GIGYF2: variants seen among roughly 807,000 people sequenced by gnomAD.
GIGYF2 encodes the protein GRB10-interacting GYF protein 2.
GIGYF2 carries 25 observed loss-of-function variants against 208.1 expected under a neutral mutation model. That is an observed-to-expected ratio of 0.12 (90% CI 0.09 to 0.17). The LOEUF is 0.17. GIGYF2 is among the 10% of genes least tolerant of loss of function. The probability of loss-of-function intolerance (pLI) is 1.00; values close to 1 mark genes in which losing one functional copy is unlikely to be tolerated. For synonymous variants in GIGYF2, 534 were observed against 543.8 expected (o/e 0.98, Z 0.25); for missense variants, 1,302 against 1,579.4 (o/e 0.82, Z 2.98).
At chr2:232,712,657 G>A (rs1696476109) in intron 2 of GIGYF2, among the ~76,000 whole-genome samples, 1 of 152,108 alleles carries the variant, frequency 6.6e-6, no homozygotes, top group South Asian at 2.1e-4. Context: ...TAGCAAATGA[G>A]ATCACAATAG....
intron 8 of GIGYF2, chr2:232,768,455 T>G: frequency 6.2e-7 from 1 of 1,614,184 alleles, no homozygotes; most frequent in Non-Finnish European, 8.5e-7. Flanking sequence ...CCTCCTGCAT[T>G]GCTGAAAGGA....
At chr2:232,830,817 C>CA (rs34274134) in intron 21 of GIGYF2, among the ~76,000 whole-genome samples, 28 of 150,408 alleles carry the variant, frequency 1.9e-4, no homozygotes, top group Non-Finnish European at 3.1e-4. Flanking sequence ...CCTGTCTCTA[C>CA]AAAAAAAAAA....
chr2:232,810,239 C>T lies in GIGYF2; in HGVS notation c.1898+428C>T, dbSNP rs148825890. 616 of 175,368 alleles carry T rather than the reference C, an allele frequency of 3.5e-3. 1 individual carries two copies. Among genetic ancestry groups the T allele is most frequent in the African/African-American group, 0.013 (562 of 41,964 alleles). 10.9% of individuals were successfully genotyped at this position (175,368 alleles called of 1,614,324 possible). On this transcript the variant is annotated intron_variant, in intron 16 of 28. Coordinates refer to ENST00000373563, the MANE Select transcript of GIGYF2 (RefSeq NM_001103146.3). ...CCAGCCTCAAGTGATCTGCCTGCCT[C>T]GCCTCCCAAAGTGCTGGGATTACAG...
intron 8 of GIGYF2, among the ~76,000 whole-genome samples, chr2:232,783,886 C>G (rs763336793): frequency 1.3e-5 from 2 of 152,136 alleles, no homozygotes; most frequent in South Asian, 2.1e-4. Flanking sequence ...CGGGGTTTCT[C>G]CATGTTGGTT....
At chr2:232,757,958 A>C (rs1296321662) in intron 6 of GIGYF2, among the ~76,000 whole-genome samples, 1 of 152,204 alleles carries the variant, frequency 6.6e-6, no homozygotes, top group Non-Finnish European at 1.5e-5. Context: ...TGACATATGT[A>C]AGAAGTCATG....
intron 2 of GIGYF2, among the ~76,000 whole-genome samples, chr2:232,712,079 A>C (rs1382643631): frequency 6.6e-6 from 1 of 152,154 alleles, no homozygotes; most frequent in African/African-American, 2.4e-5. Flanking sequence ...ACGAATAGAA[A>C]CTTTCCAAAA....
chr2:232,747,178 A>G (rs931728686), intron 3 of GIGYF2, among the ~76,000 whole-genome samples: 1 of 152,220 alleles, frequency 6.6e-6, no homozygotes. Context: ...TGATTATTTC[A>G]GTTTATAATA....
intron 23 of GIGYF2, among the ~76,000 whole-genome samples, chr2:232,841,046 T>C (rs1701798515): frequency 6.6e-6 from 1 of 151,246 alleles, no homozygotes; most frequent in Non-Finnish European, 1.5e-5. Context: ...CACTTGAAGA[T>C]GACCTTATTT....
At chr2:232,823,411 G>A (rs1415396892) in intron 21 of GIGYF2, among the ~76,000 whole-genome samples, 1 of 144,600 alleles carries the variant, frequency 6.9e-6, no homozygotes, top group African/African-American at 2.6e-5. Flanking sequence ...TGTCACCCAG[G>A]CTGCAGTCTT....
At chr2:232,766,963 G>T (rs887271781) in intron 8 of GIGYF2, 28 of 152,096 alleles carry the variant, frequency 1.8e-4, no homozygotes, top group African/African-American at 6.5e-4. Context: ...TTGTTTTAAG[G>T]ACAGTTTCTC....
rs1690739321 is a variant in GIGYF2 at position 232,860,531 on chromosome 2, A to T, written c.*3671A>T. The T allele has an allele frequency of 2.0e-5, 3 of 152,056 alleles. No homozygotes were observed. The allele number at this position is 152,056 out of a possible 1,614,324, so 9.4% of individuals were successfully genotyped here. On this transcript the variant is annotated 3_prime_UTR_variant, in exon 29 of 29. Transcript: ENST00000373563. Reference sequence around the variant, plus strand: ...ATAACAAAATTGGTAATTTTGTATAAAATGCCCAACTGTGCATTATTAATA... The same window carrying T: ...ATAACAAAATTGGTAATTTTGTATATAATGCCCAACTGTGCATTATTAATA...
intron 2 of GIGYF2, among the ~76,000 whole-genome samples, chr2:232,721,858 C>T (rs1696957606): frequency 6.6e-6 from 1 of 152,178 alleles, no homozygotes; most frequent in Admixed American, 6.5e-5. Context: ...CCATCTGGTC[C>T]TCCCATGTTC....
chr2:232,775,675 C>T (rs1699482358), intron 8 of GIGYF2, among the ~76,000 whole-genome samples: 1 of 152,156 alleles, frequency 6.6e-6, no homozygotes, highest in Admixed American at 6.5e-5. Context: ...CACTGATCAT[C>T]AGAATTCATT....
intron 28 of GIGYF2, among the ~76,000 whole-genome samples, chr2:232,856,053 C>G (rs571988507): frequency 6.6e-6 from 1 of 152,080 alleles, no homozygotes; most frequent in Non-Finnish European, 1.5e-5. Flanking sequence ...GCCTCAGCCT[C>G]CCGAGTAGCT....
intron 2 of GIGYF2, among the ~76,000 whole-genome samples, chr2:232,717,792 T>G (rs974441361): frequency 5.9e-5 from 9 of 151,550 alleles, no homozygotes; most frequent in Non-Finnish European, 1.0e-4. Flanking sequence ...AACAACTAGC[T>G]CTCTTGGGAA....
chr2:232,774,981 T>C (rs1699450607), intron 8 of GIGYF2, among the ~76,000 whole-genome samples: 1 of 152,036 alleles, frequency 6.6e-6, no homozygotes, highest in Non-Finnish European at 1.5e-5. Flanking sequence ...TACAATTGTA[T>C]TTTTTTTCTC....
At chr2:232,844,637 T>A in intron 25 of GIGYF2, 63 bp downstream of exon 25, 1 of 1,082,894 alleles carries the variant, frequency 9.2e-7, no homozygotes, top group Non-Finnish European at 1.4e-6. Flanking sequence ...ATGGAGGAAG[T>A]GGGATGTTGG....
At chr2:232,837,032 G>C (rs1002478916) in intron 22 of GIGYF2, among the ~76,000 whole-genome samples, 1 of 152,184 alleles carries the variant, frequency 6.6e-6, no homozygotes, top group Admixed American at 6.5e-5. Flanking sequence ...GGTATTCTTG[G>C]CTTGCCTCTC....
At chr2:232,799,304 G>A (rs1700318928) in intron 14 of GIGYF2, among the ~76,000 whole-genome samples, 1 of 151,998 alleles carries the variant, frequency 6.6e-6, no homozygotes, top group Admixed American at 6.6e-5. Flanking sequence ...GACCCTTTGG[G>A]AGGCTGAGGT....
Sources: allele counts gnomAD v4.1 joint callset (sites outside exome capture counted in the v4.1 genomes callset), GRCh38; gene constraint gnomAD v4.1.1; transcripts MANE v1.5; gene names NCBI Gene and HGNC (gene_info 2026-07-23, HGNC 2026-07-21).